Variants in GNAQ observed in about 807,000 individuals in gnomAD.
The protein encoded by GNAQ is guanine nucleotide-binding protein G(q) subunit alpha.
GNAQ carries 8 observed loss-of-function variants against 43.9 expected under a neutral mutation model. That is an observed-to-expected ratio of 0.18 (90% CI 0.11 to 0.33). The LOEUF (loss-of-function observed/expected upper bound fraction) is 0.33, where lower values mean the gene tolerates loss of function less well. Ranked by LOEUF, GNAQ falls within the 10% of genes least tolerant of loss-of-function variation. The pLI, the probability that GNAQ is intolerant of heterozygous loss-of-function variation, is 1.00. For missense variants in GNAQ, 158 were observed against 450.8 expected, an observed-to-expected ratio of 0.35 and a Z score of 5.88; for synonymous variants, 155 against 170.7, an observed-to-expected ratio of 0.91 and a Z score of 0.71.
chr9:78,025,634 G>A (rs1823968711), intron 1 of GNAQ, among the ~76,000 whole-genome samples: 1 of 152,096 alleles, frequency 6.6e-6, no homozygotes, highest in African/African-American at 2.4e-5. Flanking sequence ...CCAATACAGA[G>A]GAAACAGATT....
chr9:77,786,538 A>C (rs558693454), intron 5 of GNAQ, among the ~76,000 whole-genome samples: 42 of 152,298 alleles, frequency 2.8e-4, no homozygotes, highest in African/African-American at 9.9e-4. Context: ...TGGAAGCAGC[A>C]GCTGAGAGGC....
intron 5 of GNAQ, among the ~76,000 whole-genome samples, chr9:77,780,339 T>TC (rs1313264281): frequency 1.3e-5 from 2 of 151,974 alleles, no homozygotes; most frequent in African/African-American, 2.4e-5. Flanking sequence ...CAGTTTTTTT[T>TC]CACATATAAG....
chr9:77,804,679 G>GT (rs1386405833), intron 3 of GNAQ, among the ~76,000 whole-genome samples: 2 of 152,150 alleles, frequency 1.3e-5, no homozygotes, highest in African/African-American at 4.8e-5. Flanking sequence ...GGCTTTCAAT[G>GT]TAGCATGACA....
intron 1 of GNAQ, among the ~76,000 whole-genome samples, chr9:77,999,788 A>C (rs1386450075): frequency 1.3e-5 from 2 of 152,238 alleles, no homozygotes; most frequent in Non-Finnish European, 2.9e-5. Context: ...CAAATTTCAT[A>C]TATTACCCTG....
rs528496591 is a variant in GNAQ, at chr9:77,958,461, A to G, written c.137-36116T>C. Reference sequence around the variant, plus strand: ...CAATAAATGACTTTCATATTCTGCAATATTGTGAATTACTCTGTCCTATTC... The same window carrying G: ...CAATAAATGACTTTCATATTCTGCAGTATTGTGAATTACTCTGTCCTATTC... On this transcript the variant is annotated intron_variant, in intron 1 of 6. Coordinates refer to ENST00000286548, the MANE Select transcript of GNAQ (RefSeq NM_002072.5). 1.6e-4 allele frequency among the ~76,000 whole-genome samples: 25 copies of G among 152,340 alleles called. No individual in the cohort carries two copies. The South Asian group carries it at 5.2e-3, about 32-fold the overall frequency.
At chr9:77,971,718 A>G (rs1452346878) in intron 1 of GNAQ, among the ~76,000 whole-genome samples, 3 of 152,354 alleles carry the variant, frequency 2.0e-5, no homozygotes, top group African/African-American at 7.2e-5. Flanking sequence ...GAAAACCGGC[A>G]TAAGACAAGA....
chr9:77,817,838 T>G (rs986287726), intron 2 of GNAQ, among the ~76,000 whole-genome samples: 2 of 151,900 alleles, frequency 1.3e-5, no homozygotes, highest in African/African-American at 4.8e-5. Context: ...ACCAAGGAGG[T>G]CAAACGAGGT....
rs75893049 is a variant in GNAQ, at chr9:77,779,547, G to A, written c.735+14916C>T. On this transcript the variant is annotated intron_variant, in intron 5 of 6. Coordinates refer to ENST00000286548, the MANE Select transcript of GNAQ (RefSeq NM_002072.5). Reference sequence around the variant, plus strand: ...ATCCGAAGTATGCAGAAGAAAATAAGTAATAAAATTTAGAGCAGAAATCTA... The same window carrying A: ...ATCCGAAGTATGCAGAAGAAAATAAATAATAAAATTTAGAGCAGAAATCTA... Among the ~76,000 whole-genome samples the A allele has an allele frequency of 2.6e-3, 390 of 151,656 alleles. 2 individuals carry two copies. Among genetic ancestry groups the A allele is most frequent in the African/African-American group, 8.6e-3 (358 of 41,460 alleles).
chr9:77,824,925 G>A (rs1827170459), intron 2 of GNAQ, among the ~76,000 whole-genome samples: 1 of 152,152 alleles, frequency 6.6e-6, no homozygotes, highest in Admixed American at 6.6e-5. Flanking sequence ...AAAGTCATTT[G>A]ATCTAAACAA....
intron 1 of GNAQ, among the ~76,000 whole-genome samples, chr9:78,005,135 C>T (rs560979535): frequency 6.6e-6 from 1 of 152,256 alleles, no homozygotes; most frequent in Admixed American, 6.5e-5. Flanking sequence ...CACTGCAGCC[C>T]TCACCTCACG....
intron 2 of GNAQ, among the ~76,000 whole-genome samples, chr9:77,851,128 C>T (rs1390625253): frequency 1.3e-5 from 2 of 152,186 alleles, no homozygotes; most frequent in African/African-American, 4.8e-5. Context: ...TGACACTTAA[C>T]ATACTTGTTT....
chr9:77,801,299 T>C (rs1826739835), intron 3 of GNAQ, among the ~76,000 whole-genome samples: 1 of 152,200 alleles, frequency 6.6e-6, no homozygotes. Flanking sequence ...CACTCCTAAG[T>C]TCAGGGTACT....
intron 2 of GNAQ, among the ~76,000 whole-genome samples, chr9:77,858,856 C>T (rs1169179520): frequency 6.6e-6 from 1 of 152,066 alleles, no homozygotes; most frequent in Non-Finnish European, 1.5e-5. Flanking sequence ...CTAACTCAGG[C>T]CCTCTTCAAA....
intron 5 of GNAQ, among the ~76,000 whole-genome samples, chr9:77,754,758 C>A (rs748132047): frequency 6.6e-6 from 1 of 152,118 alleles, no homozygotes; most frequent in African/African-American, 2.4e-5. Context: ...TGTGGAGAAC[C>A]CTCATGCGTT....
At chr9:77,750,663 GA>G (rs34491949) in intron 5 of GNAQ, among the ~76,000 whole-genome samples, 95,866 of 151,488 alleles carry the variant, frequency 0.63, 31,267 homozygotes, top group Non-Finnish European at 0.72. Flanking sequence ...CATCAAGCTG[GA>G]AAAAAAAATC....
intron 1 of GNAQ, among the ~76,000 whole-genome samples, chr9:77,999,513 G>A (rs1823617882): frequency 6.6e-6 from 1 of 152,122 alleles, no homozygotes; most frequent in South Asian, 2.1e-4. Context: ...TCTAATAGTG[G>A]AAAGATTACA....
intron 1 of GNAQ, among the ~76,000 whole-genome samples, chr9:77,934,597 G>A (rs1183530283): frequency 6.6e-6 from 1 of 152,102 alleles, no homozygotes; most frequent in Non-Finnish European, 1.5e-5. Context: ...TGCAGAACAT[G>A]GCATGCTTTC....
intron 2 of GNAQ, among the ~76,000 whole-genome samples, chr9:77,915,649 T>TG (rs1037104994): frequency 1.2e-4 from 9 of 78,122 alleles, no homozygotes; most frequent in African/African-American, 4.5e-4. Context: ...CTGGCGGGGG[T>TG]GGGGGTGGTG....
At position 77,827,684 on chromosome 9, in the gene GNAQ, G is replaced by A. The variant is rs146444835; in HGVS notation, c.322-11914C>T. 4.0e-4 allele frequency among the ~76,000 whole-genome samples: 61 copies of A among 151,904 alleles called. No individual in the cohort carries two copies. The East Asian group carries it at 0.011, about 27-fold the overall frequency. On this transcript the variant is annotated intron_variant, in intron 2 of 6. Coordinates refer to ENST00000286548, the MANE Select transcript of GNAQ (RefSeq NM_002072.5). ...GTGTACTGGATAGTATATAATGACCGCTTCATTCTTCTCTCTCATTTCTAG... is the reference window on the plus strand; with the variant it reads ...GTGTACTGGATAGTATATAATGACCACTTCATTCTTCTCTCTCATTTCTAG...
Sources: allele counts gnomAD v4.1 joint callset (sites outside exome capture counted in the v4.1 genomes callset), GRCh38; gene constraint gnomAD v4.1.1; transcripts MANE v1.5; gene names NCBI Gene and HGNC (gene_info 2026-07-23, HGNC 2026-07-21).